Variants in EPHA3 observed in about 807,000 individuals in gnomAD.
The protein encoded by EPHA3 is ephrin type-A receptor 3.
Under a neutral mutation model 107.1 loss-of-function variants are expected in EPHA3, and 42 were observed. That is an observed-to-expected ratio of 0.39 (90% CI 0.31 to 0.51). The LOEUF (loss-of-function observed/expected upper bound fraction) is 0.51, where lower values mean the gene tolerates loss of function less well. Among genes scored for constraint, EPHA3 ranks in the 20% least tolerant of loss-of-function variants. The pLI is 0.78. For missense variants in EPHA3, 1,183 were observed against 1,211.2 expected, an observed-to-expected ratio of 0.98 and a Z score of 0.35; for synonymous variants, 461 against 424.8, an observed-to-expected ratio of 1.09 and a Z score of -1.05.
intron 13 of EPHA3, among the ~76,000 whole-genome samples, chr3:89,439,501 C>A (rs1709740503): frequency 6.6e-6 from 1 of 152,066 alleles, no homozygotes; most frequent in African/African-American, 2.4e-5. Flanking sequence ...TCTATCATTT[C>A]AATTGCAAAT....
At chr3:89,134,776 C>A (rs921284661) in intron 2 of EPHA3, among the ~76,000 whole-genome samples, 4 of 152,048 alleles carry the variant, frequency 2.6e-5, no homozygotes, top group Non-Finnish European at 5.9e-5. Context: ...GTTCCTGAGC[C>A]AAATGGGTTG....
intron 3 of EPHA3, among the ~76,000 whole-genome samples, chr3:89,340,071 T>C (rs1324312300): frequency 6.6e-6 from 1 of 152,168 alleles, no homozygotes; most frequent in Non-Finnish European, 1.5e-5. Context: ...GAAAATAATA[T>C]AGTAGAGGCA....
At chr3:89,156,548 A>G (rs1704810850) in intron 2 of EPHA3, among the ~76,000 whole-genome samples, 1 of 152,058 alleles carries the variant, frequency 6.6e-6, no homozygotes, top group African/African-American at 2.4e-5. Context: ...TGACAGGGAA[A>G]CTGACAGAAA....
At chr3:89,160,199 T>C (rs1262198498) in intron 2 of EPHA3, among the ~76,000 whole-genome samples, 2 of 152,070 alleles carry the variant, frequency 1.3e-5, no homozygotes, top group Non-Finnish European at 2.9e-5. Context: ...CAATAATGTT[T>C]GGAACAATCA....
intron 2 of EPHA3, among the ~76,000 whole-genome samples, chr3:89,134,870 C>T (rs1001972376): frequency 1.1e-4 from 16 of 152,162 alleles, no homozygotes; most frequent in African/African-American, 3.6e-4. Flanking sequence ...TTTTGTCTAA[C>T]ATCATTTCCA....
At chr3:89,395,148 T>C (rs1371193995) in intron 5 of EPHA3, among the ~76,000 whole-genome samples, 1 of 152,224 alleles carries the variant, frequency 6.6e-6, no homozygotes, top group East Asian at 1.9e-4. Context: ...AAATAAGACA[T>C]TTCAAAACAT....
At position 89,450,377 on chromosome 3, in the gene EPHA3, C is replaced by T. The variant is rs753933318; in HGVS notation, c.2690+7C>T. 1.2e-6 allele frequency: 2 copies of T among 1,603,678 alleles called. No homozygotes were observed. The highest frequency in any genetic ancestry group is 1.7e-6 in the Non-Finnish European group (2 of 1,173,690). Reference sequence around the variant, plus strand: ...TCACCAGTGCAGCCGCAAGGTGACACATTCAATTTGTTATCTGGCATTCAC... The same window carrying T: ...TCACCAGTGCAGCCGCAAGGTGACATATTCAATTTGTTATCTGGCATTCAC... On this transcript the variant is annotated splice_region_variant and intron_variant, in intron 15 of 16. Coordinates refer to ENST00000336596, the MANE Select transcript of EPHA3 (RefSeq NM_005233.6).
At chr3:89,128,294 A>G (rs1224825523) in intron 2 of EPHA3, among the ~76,000 whole-genome samples, 1 of 152,114 alleles carries the variant, frequency 6.6e-6, no homozygotes, top group African/African-American at 2.4e-5. Flanking sequence ...TCTCTTCCTG[A>G]CACACCTTGA....
chr3:89,200,361 T>A (rs1452565907), intron 2 of EPHA3, among the ~76,000 whole-genome samples: 2 of 152,210 alleles, frequency 1.3e-5, no homozygotes, highest in African/African-American at 4.8e-5. Flanking sequence ...TGAGTTACTA[T>A]CTTCACATGT....
chr3:89,286,396 G>T (rs917429391), intron 3 of EPHA3, among the ~76,000 whole-genome samples: 2 of 151,918 alleles, frequency 1.3e-5, no homozygotes, highest in Non-Finnish European at 2.9e-5. Context: ...TCTGATTAAT[G>T]TTTCCTCTGG....
At chr3:89,301,804 G>A (rs1379694958) in intron 3 of EPHA3, among the ~76,000 whole-genome samples, 3 of 152,026 alleles carry the variant, frequency 2.0e-5, no homozygotes, top group Admixed American at 6.6e-5. Context: ...GCCATTAAAT[G>A]ATAGTCCGGA....
rs577525768 is a variant in EPHA3, at chr3:89,386,930, C to T, written c.1307-8907C>T. Among the ~76,000 whole-genome samples, 3 of 152,222 alleles carry T rather than the reference C, an allele frequency of 2.0e-5. No homozygotes were observed. In the East Asian group the frequency reaches 5.8e-4, roughly 29 times the overall value. On this transcript the variant is annotated intron_variant, in intron 5 of 16. Transcript: ENST00000336596. Reference sequence around the variant, plus strand: ...GGGCCTGGAGTCCCTTTGTTTTGGCCAACTTATTTCATTTGGAATAGGTGT... The same window carrying T: ...GGGCCTGGAGTCCCTTTGTTTTGGCTAACTTATTTCATTTGGAATAGGTGT...
chr3:89,299,289 A>G (rs1209198645), intron 3 of EPHA3, among the ~76,000 whole-genome samples: 1 of 152,050 alleles, frequency 6.6e-6, no homozygotes, highest in Non-Finnish European at 1.5e-5. Context: ...AATCATTGTA[A>G]CAAAGATGAA....
intron 5 of EPHA3, among the ~76,000 whole-genome samples, chr3:89,374,141 G>C (rs1345196727): frequency 6.6e-6 from 1 of 151,766 alleles, no homozygotes; most frequent in Non-Finnish European, 1.5e-5. Context: ...CTTGTTGCTT[G>C]GGAATTGGCA....
At chr3:89,252,625 G>A (rs1327719561) in intron 3 of EPHA3, among the ~76,000 whole-genome samples, 2 of 151,736 alleles carry the variant, frequency 1.3e-5, no homozygotes, top group Non-Finnish European at 2.9e-5. Context: ...AGCTACTGTG[G>A]AGGTTGAGGT....
At chr3:89,143,674 T>C in intron 2 of EPHA3, among the ~76,000 whole-genome samples, 1 of 151,610 alleles carries the variant, frequency 6.6e-6, no homozygotes, top group East Asian at 1.9e-4. Context: ...CTCATAATGT[T>C]AAATCTTACA....
intron 16 of EPHA3, among the ~76,000 whole-genome samples, chr3:89,475,494 A>C (rs1009026876): frequency 1.4e-4 from 21 of 152,206 alleles, no homozygotes; most frequent in African/African-American, 4.6e-4. Flanking sequence ...CATGCAAGCT[A>C]CTCAAGTTAT....
rs1234148324 is a variant in EPHA3, at chr3:89,160,625, A to G, written c.153+33352A>G. ...TTTTTCTGTGTGTATTTCTTTCACC[A>G]AAGTTTGGATCATGTTGTACAGCAA... On this transcript the variant is annotated intron_variant, in intron 2 of 16. Transcript: ENST00000336596. Among the ~76,000 whole-genome samples the G allele has an allele frequency of 2.0e-5, 3 of 150,148 alleles. No homozygotes were observed. In the South Asian group the frequency reaches 6.3e-4, roughly 32 times the overall value.
chr3:89,233,474 A>G (rs1704684313), intron 3 of EPHA3, among the ~76,000 whole-genome samples: 1 of 152,120 alleles, frequency 6.6e-6, no homozygotes, highest in Non-Finnish European at 1.5e-5. Context: ...AGCTTTTAAA[A>G]ATGTTTTCAT....
Sources: gnomAD v4.1 joint callset for allele counts (sites outside exome capture counted in the v4.1 genomes callset) on GRCh38, gnomAD v4.1.1 for gene constraint, MANE v1.5 for transcripts, NCBI Gene and HGNC (gene_info 2026-07-23, HGNC 2026-07-21) for gene names.